SYN2: variants seen among roughly 807,000 people sequenced by gnomAD.
The protein encoded by SYN2 is synapsin II, also known as synapsin-2.
In SYN2, 19 loss-of-function variants were observed where a neutral mutation model predicts 50.9. The observed-to-expected ratio is 0.37, with a 90% CI of 0.26 to 0.55. The LOEUF is 0.55. SYN2 is among the 20% of genes least tolerant of loss of function. The pLI, the probability that SYN2 is intolerant of heterozygous loss-of-function variation, is 0.81. For synonymous variants in SYN2, 255 were observed against 224.9 expected (o/e 1.13, Z -1.20); for missense variants, 587 against 576.4 (o/e 1.02, Z -0.19).
chr3:12,160,202 G>T (rs888857882), intron 5 of SYN2, among the ~76,000 whole-genome samples: 1 of 152,144 alleles, frequency 6.6e-6, no homozygotes, highest in Non-Finnish European at 1.5e-5. Context: ...TTTCCACATG[G>T]TGCTGGACTG....
intron 1 of SYN2, among the ~76,000 whole-genome samples, chr3:12,065,507 A>G (rs1044048668): frequency 1.3e-5 from 2 of 152,226 alleles, no homozygotes; most frequent in African/African-American, 2.4e-5. Context: ...ACTATGAAAT[A>G]CTATACAGCC....
intron 10 of SYN2, among the ~76,000 whole-genome samples, chr3:12,177,624 A>G (rs1253254269): frequency 2.0e-5 from 3 of 152,198 alleles, no homozygotes; most frequent in African/African-American, 4.8e-5. Flanking sequence ...CACAGCAGGA[A>G]TGGCTTTAGC....
At chr3:12,040,572 A>G (rs1694590688) in intron 1 of SYN2, among the ~76,000 whole-genome samples, 1 of 151,616 alleles carries the variant, frequency 6.6e-6, no homozygotes, top group Non-Finnish European at 1.5e-5. Flanking sequence ...AGCTGGGACT[A>G]CAGACGCCCG....
At chr3:12,069,990 G>C (rs924179894) in intron 1 of SYN2, among the ~76,000 whole-genome samples, 8 of 151,796 alleles carry the variant, frequency 5.3e-5, no homozygotes, top group African/African-American at 1.9e-4. Context: ...GTAGATATGA[G>C]GTCTTGCAGT....
intron 1 of SYN2, among the ~76,000 whole-genome samples, chr3:12,137,247 CAAAA>C (rs551962770): frequency 2.0e-5 from 2 of 97,862 alleles, no homozygotes. Context: ...GATCCTGTCT[CAAAA>C]AAAAAAAAAA....
intron 1 of SYN2, among the ~76,000 whole-genome samples, chr3:12,063,036 T>C (rs1169208216): frequency 6.6e-6 from 1 of 151,330 alleles, no homozygotes; most frequent in African/African-American, 2.4e-5. Context: ...AAGGCAAAAC[T>C]ATAGTAACAG....
chr3:12,115,832 G>C (rs779116373), intron 1 of SYN2, among the ~76,000 whole-genome samples: 7 of 152,138 alleles, frequency 4.6e-5, no homozygotes, highest in Non-Finnish European at 8.8e-5. Context: ...GTGAACTTCT[G>C]ATGAATTGTT....
chr3:12,044,448 T>A (rs760627356), intron 1 of SYN2, among the ~76,000 whole-genome samples: 1 of 152,164 alleles, frequency 6.6e-6, no homozygotes, highest in Non-Finnish European at 1.5e-5. Context: ...ACTTAGTAAC[T>A]GTCTAAAATT....
At chr3:12,184,682 G>A in intron 11 of SYN2, 1 of 985,888 alleles carries the variant, frequency 1.0e-6, no homozygotes. Flanking sequence ...CCACAGCGGT[G>A]GCTCTTGAGG....
chr3:12,135,743 C>G (rs1386398112), intron 1 of SYN2, among the ~76,000 whole-genome samples: 3 of 152,194 alleles, frequency 2.0e-5, no homozygotes, highest in Admixed American at 1.3e-4. Context: ...GAAATAGGCT[C>G]TGTCCTGAGG....
At chr3:12,036,890 A>G (rs1694509792) in intron 1 of SYN2, among the ~76,000 whole-genome samples, 1 of 151,872 alleles carries the variant, frequency 6.6e-6, no homozygotes, top group Non-Finnish European at 1.5e-5. Context: ...CCTTCACTTT[A>G]CTATAAGGGG....
chr3:12,177,245 C>A (rs899015784), intron 10 of SYN2, among the ~76,000 whole-genome samples: 1 of 152,202 alleles, frequency 6.6e-6, no homozygotes, highest in Non-Finnish European at 1.5e-5. Flanking sequence ...CTTGTCTAAC[C>A]TGCAGCCCAG....
intron 1 of SYN2, among the ~76,000 whole-genome samples, chr3:12,081,881 T>A (rs1285377010): frequency 6.6e-6 from 1 of 152,166 alleles, no homozygotes; most frequent in African/African-American, 2.4e-5. Context: ...TAGCTCACAT[T>A]GTTCGTTCTT....
chr3:12,061,394 G>T (rs980767207), intron 1 of SYN2, among the ~76,000 whole-genome samples: 2 of 152,004 alleles, frequency 1.3e-5, no homozygotes, highest in Non-Finnish European at 2.9e-5. Context: ...AGGCATAAAG[G>T]TGAATTTCCT....
At chr3:12,019,484 A>G (rs1031327555) in intron 1 of SYN2, among the ~76,000 whole-genome samples, 10 of 152,224 alleles carry the variant, frequency 6.6e-5, no homozygotes, top group African/African-American at 2.2e-4. Context: ...AGGAAAAGGA[A>G]AAGTATTCTT....
intron 1 of SYN2, among the ~76,000 whole-genome samples, chr3:12,048,985 A>ATAC (rs1309346711): frequency 6.6e-6 from 1 of 152,206 alleles, no homozygotes. Context: ...AGTTCTGTGT[A>ATAC]AGATGAGATT....
chr3:12,187,321 A>C, intron 11 of SYN2, 48 bp from the exon 12 acceptor site: 4 of 1,478,780 alleles, frequency 2.7e-6, no homozygotes, highest in Non-Finnish European at 3.6e-6. Flanking sequence ...TAATAAGGAA[A>C]CATTTTTATA....
intron 1 of SYN2, among the ~76,000 whole-genome samples, chr3:12,036,295 C>T (rs1294050364): frequency 6.6e-6 from 1 of 152,140 alleles, no homozygotes; most frequent in African/African-American, 2.4e-5. Flanking sequence ...GTGGCTCTGG[C>T]TCTGTTCCTG....
intron 3 of SYN2, among the ~76,000 whole-genome samples, chr3:12,145,409 G>T (rs150749262): frequency 1.0e-3 from 153 of 152,324 alleles, no homozygotes; most frequent in African/African-American, 3.6e-3. Flanking sequence ...GGTGATGTGT[G>T]CCTGTAGTAC....
Sources: allele counts gnomAD v4.1 joint callset (sites outside exome capture counted in the v4.1 genomes callset), GRCh38; gene constraint gnomAD v4.1.1; transcripts MANE v1.5; gene names NCBI Gene and HGNC (gene_info 2026-07-23, HGNC 2026-07-21).